The following ASH1L variants were observed in gnomAD, a reference collection of about 807,000 sequenced individuals.
The protein encoded by ASH1L is histone-lysine N-methyltransferase ASH1L.
ASH1L carries 23 observed loss-of-function variants against 269.0 expected under a neutral mutation model. That is an observed-to-expected ratio of 0.09 (90% CI 0.06 to 0.12). The LOEUF is 0.12. Among genes scored for constraint, ASH1L ranks in the 10% least tolerant of loss-of-function variants. The pLI, the probability that ASH1L is intolerant of heterozygous loss-of-function variation, is 1.00. For missense variants in ASH1L, 2,912 were observed against 3,567.8 expected, an observed-to-expected ratio of 0.82 and a Z score of 4.68; for synonymous variants, 1,187 against 1,253.5, an observed-to-expected ratio of 0.95 and a Z score of 1.12.
At chr1:155,441,454 C>CTTTTTT (rs34682576) in intron 4 of ASH1L, among the ~76,000 whole-genome samples, 3 of 73,538 alleles carry the variant, frequency 4.1e-5, no homozygotes, top group African/African-American at 4.9e-5. Flanking sequence ...ATAAAGAATC[C>CTTTTTT]TTTTTTTTTT....
intron 6 of ASH1L, among the ~76,000 whole-genome samples, chr1:155,397,978 T>C (rs527443164): frequency 1.4e-4 from 21 of 152,314 alleles, no homozygotes; most frequent in Non-Finnish European, 2.8e-4. Flanking sequence ...TAAACAAGTA[T>C]AAAATTATTT....
intron 6 of ASH1L, among the ~76,000 whole-genome samples, chr1:155,408,664 C>T (rs902632766): frequency 2.0e-5 from 3 of 152,106 alleles, no homozygotes; most frequent in Non-Finnish European, 4.4e-5. Flanking sequence ...TTTAAAGGGG[C>T]TCCTGTGGTA....
In ASH1L at chr1:155,348,911, T is replaced by TATATAC. The variant is rs1186891494; in HGVS notation, c.7554+415_7554+416insGTATAT. 3.6e-4 allele frequency among the ~76,000 whole-genome samples: 50 copies of TATATAC among 140,428 alleles called. No individual in the cohort carries two copies. The East Asian group carries it at 5.2e-3, about 15-fold the overall frequency. The allele number at this position is 140,428 out of a possible 152,430, so 92.1% of individuals were successfully genotyped here. A position where few individuals can be genotyped will look rare whatever the true frequency, so the allele number is the denominator to read the frequency against. ...AAAAAAAAAAAAAAATATATATATA[T>TATATAC]ACACACACACACACACACACACACA... On this transcript the variant is annotated intron_variant, in intron 19 of 27. Coordinates refer to ENST00000392403, the MANE Select transcript of ASH1L (RefSeq NM_018489.3).
rs759557203 is a variant in ASH1L, at chr1:155,562,159, G to GGAGGCC, written c.-112_-107dup. ...CCCAAATCGTTCTACTCACCGTGTC[G>GGAGGCC]GAGGCCGAGGCCGAGGCCGAGAGCG... On this transcript the variant is annotated 5_prime_UTR_variant, in exon 1 of 28. Coordinates refer to ENST00000392403, the MANE Select transcript of ASH1L (RefSeq NM_018489.3). 6.0e-5 allele frequency: 95 copies of GGAGGCC among 1,576,484 alleles called. No homozygotes were observed. Among genetic ancestry groups the GGAGGCC allele is most frequent in the East Asian group, 1.3e-4 (6 of 44,508 alleles).
chr1:155,403,586 G>GT (rs990008413), intron 6 of ASH1L, among the ~76,000 whole-genome samples: 2 of 152,040 alleles, frequency 1.3e-5, no homozygotes, highest in Non-Finnish European at 2.9e-5. Context: ...CATTAGCACA[G>GT]TAACTGGCAC....
chr1:155,542,991 CTTG>C (rs918239619), intron 1 of ASH1L, among the ~76,000 whole-genome samples: 1 of 151,670 alleles, frequency 6.6e-6, no homozygotes, highest in African/African-American at 2.4e-5. Flanking sequence ...AATCTTACAC[CTTG>C]TTATTACTTT....
At chr1:155,436,186 A>T (rs941988903) in intron 5 of ASH1L, among the ~76,000 whole-genome samples, 1 of 151,888 alleles carries the variant, frequency 6.6e-6, no homozygotes. Context: ...TTTTATTTTT[A>T]TTTATTTATT....
intron 10 of ASH1L, among the ~76,000 whole-genome samples, chr1:155,377,573 CA>C (rs1656566368): frequency 6.6e-6 from 1 of 150,966 alleles, no homozygotes. Flanking sequence ...CTAAAAAAAA[CA>C]AAACAAAACA....
chr1:155,451,067 C>T (rs1339587994), intron 4 of ASH1L, among the ~76,000 whole-genome samples: 1 of 151,694 alleles, frequency 6.6e-6, no homozygotes, highest in African/African-American at 2.4e-5. Context: ...CATGGTGGCA[C>T]ATGCCTGTAA....
intron 4 of ASH1L, among the ~76,000 whole-genome samples, chr1:155,441,171 C>A (rs929135534): frequency 2.0e-5 from 3 of 152,308 alleles, no homozygotes; most frequent in African/African-American, 7.2e-5. Context: ...TGAAGTTTCC[C>A]TATCAAGTTG....
intron 17 of ASH1L, 114 bp downstream of exon 17, chr1:155,352,592 C>T: frequency 1.8e-6 from 2 of 1,106,728 alleles, no homozygotes; most frequent in South Asian, 2.0e-5. Context: ...ATCACTTGAG[C>T]CCAGGAGTCT....
chr1:155,340,223 T>C (rs1003285212), intron 25 of ASH1L, among the ~76,000 whole-genome samples: 1 of 152,190 alleles, frequency 6.6e-6, no homozygotes, highest in African/African-American at 2.4e-5. Context: ...CTTGTCCTGT[T>C]GCCAGGCTGG....
At chr1:155,390,968 C>T (rs569042345) in intron 7 of ASH1L, among the ~76,000 whole-genome samples, 11 of 149,194 alleles carry the variant, frequency 7.4e-5, no homozygotes, top group South Asian at 6.3e-4. Context: ...TTTTTTGAGA[C>T]GGAGTCTTGC....
In ASH1L at chr1:155,501,315, G is replaced by A. The variant is rs181763941; in HGVS notation, c.421-18866C>T. On this transcript the variant is annotated intron_variant, in intron 2 of 27. Coordinates refer to ENST00000392403, the MANE Select transcript of ASH1L (RefSeq NM_018489.3). ...GTCTTCTGAGTAACTGGGATTACAA[G>A]CCTAAGCCACCATGCCCAACTTCAA... is the stretch of plus-strand genomic sequence containing the variant. 4.0e-3 allele frequency among the ~76,000 whole-genome samples: 613 copies of A among 152,278 alleles called. 1 individual carries two copies. Among genetic ancestry groups the A allele is most frequent in the Non-Finnish European group, 5.3e-3 (360 of 68,016 alleles).
At chr1:155,513,147 A>T (rs1255764866) in intron 2 of ASH1L, among the ~76,000 whole-genome samples, 1 of 152,180 alleles carries the variant, frequency 6.6e-6, no homozygotes, top group Non-Finnish European at 1.5e-5. Context: ...TTTTTTAAAA[A>T]TACAGAATAA....
intron 7 of ASH1L, among the ~76,000 whole-genome samples, chr1:155,389,969 CCTTCCTGATCATTATGATGA>C (rs1489410429): frequency 1.4e-5 from 2 of 141,238 alleles, no homozygotes; most frequent in Non-Finnish European, 1.5e-5. Context: ...TTCATTTCTT[CCTTCCTGATCATTATGATGA>C]CTCTTACTCA....
rs143897998 is a variant in ASH1L, at chr1:155,338,145, C to T, written c.8747G>A (p.Arg2916Gln). The change falls in exon 27 of 28, where the codon CGG (arginine) becomes CAG (glutamine). Residue 2916 changes from arginine (R) to glutamine (Q), a missense_variant. Coordinates refer to ENST00000392403, the MANE Select transcript of ASH1L (RefSeq NM_018489.3). ...CTPEERRHNQ[R>Q]ERLNQILLNL... ...GAGCAAGATCTGGTTGAGTCGTTCC[C>T]GTTGGTTATGCCGTCGTTCCTCAGG... The T allele has an allele frequency of 9.9e-6, 16 of 1,613,860 alleles. No individual in the cohort carries two copies. The highest frequency in any genetic ancestry group is 4.0e-5 in the African/African-American group (3 of 74,836).
intron 12 of ASH1L, among the ~76,000 whole-genome samples, chr1:155,363,722 C>T (rs1012111263): frequency 2.6e-5 from 4 of 151,700 alleles, no homozygotes; most frequent in Admixed American, 6.6e-5. Flanking sequence ...CCTGTAATCC[C>T]AGCACTTTGG....
intron 6 of ASH1L, among the ~76,000 whole-genome samples, chr1:155,399,168 T>G (rs191022813): frequency 6.6e-6 from 1 of 152,300 alleles, no homozygotes; most frequent in Admixed American, 6.5e-5. Flanking sequence ...TTAAATCTCT[T>G]TAAGGAGATT....
Sources: allele counts gnomAD v4.1 joint callset (sites outside exome capture counted in the v4.1 genomes callset), GRCh38; gene constraint gnomAD v4.1.1; transcripts MANE v1.5; gene names NCBI Gene and HGNC (gene_info 2026-07-23, HGNC 2026-07-21).